The following SCARB1 variants were observed in gnomAD, a reference collection of about 807,000 sequenced individuals.
SCARB1 encodes CD36 and LIMPII analogous 1.
Under a neutral mutation model 57.2 loss-of-function variants are expected in SCARB1, and 30 were observed. That is an observed-to-expected ratio of 0.52 (90% CI 0.39 to 0.71). The LOEUF is 0.71. Among genes scored for constraint, SCARB1 ranks in the 30% least tolerant of loss-of-function variants. SCARB1 has a pLI of 0.00. For synonymous variants in SCARB1, 249 were observed against 268.3 expected (o/e 0.93, Z 0.70); for missense variants, 543 against 671.2 (o/e 0.81, Z 2.11).
rs1349943039 is a variant in SCARB1 at position 124,814,929 on chromosome 12, C to T, written c.426+44G>A. 11 of 1,612,440 alleles carry T rather than the reference C, an allele frequency of 6.8e-6. No individual in the cohort carries two copies. Among genetic ancestry groups the T allele is most frequent in the South Asian group, 5.5e-5 (5 of 90,988 alleles). On this transcript the variant is annotated intron_variant, in intron 3 of 12. Transcript: ENST00000261693. This position sits in a 1 kb window ranked among gnomAD's most constrained non-coding sequence, Gnocchi z 4.7. ...GGCAGGCGGGAGGAGAGACAGGGGA[C>T]GAGGTCAGGGTGCGAGGCGGCGTGG... is the stretch of plus-strand genomic sequence containing the variant.
intron 2 of SCARB1, among the ~76,000 whole-genome samples, chr12:124,815,854 A>C (rs1950693289): frequency 1.3e-5 from 2 of 151,588 alleles, no homozygotes; most frequent in South Asian, 4.2e-4. Flanking sequence ...TGAAAGAGAG[A>C]CTCCGTCTCA....
At chr12:124,828,509 G>T (rs1951256942) in intron 1 of SCARB1, among the ~76,000 whole-genome samples, 1 of 152,198 alleles carries the variant, frequency 6.6e-6, no homozygotes, top group South Asian at 2.1e-4. Context: ...GACACCAGGG[G>T]AGCAGAATCG....
intron 1 of SCARB1, among the ~76,000 whole-genome samples, chr12:124,837,472 A>AAGGAAGGAAGGAAGG (rs1566231087): frequency 5.2e-4 from 38 of 72,596 alleles, no homozygotes; most frequent in African/African-American, 1.0e-3. Flanking sequence ...AGAAAGAAAG[A>AAGGAAGGAAGGAAGG]AAGGAAGGAA....
chr12:124,826,980 G>C (rs960372744), intron 1 of SCARB1, among the ~76,000 whole-genome samples: 1 of 152,174 alleles, frequency 6.6e-6, no homozygotes, highest in Non-Finnish European at 1.5e-5. Context: ...TGTGGGGAAA[G>C]CTTTAACTGT....
In SCARB1 at chr12:124,817,792, G is replaced by T; in HGVS notation, c.127-85C>A. The T allele has an allele frequency of 1.4e-6, 2 of 1,466,924 alleles. No homozygotes were observed. Among genetic ancestry groups the T allele is most frequent in the Non-Finnish European group, 1.9e-6 (2 of 1,047,024 alleles). 90.9% of individuals were successfully genotyped at this position (1,466,924 alleles called of 1,614,324 possible). On this transcript the variant is annotated intron_variant, in intron 1 of 12. Coordinates refer to ENST00000261693, the MANE Select transcript of SCARB1 (RefSeq NM_005505.5). The surrounding 1 kb of genome is among the most constrained non-coding windows in gnomAD (Gnocchi z 4.8). ...ACAAGGCTCCGGAACAGCTGCCCGA[G>T]CCCGGCCAGGGAAGGGGCTCCTCGG...
intron 7 of SCARB1, among the ~76,000 whole-genome samples, chr12:124,802,537 G>A (rs1187898143): frequency 6.6e-6 from 1 of 152,064 alleles, no homozygotes; most frequent in Non-Finnish European, 1.5e-5. Flanking sequence ...AACAAGCCCT[G>A]GCCTGCCCAC....
At chr12:124,798,051 G>A (rs970818817) in intron 8 of SCARB1, among the ~76,000 whole-genome samples, 3 of 152,232 alleles carry the variant, frequency 2.0e-5, no homozygotes, top group Admixed American at 6.5e-5. Context: ...CGAAGTGTCC[G>A]TCAGTGAATG....
intron 6 of SCARB1, among the ~76,000 whole-genome samples, chr12:124,808,571 C>T (rs1950405947): frequency 6.6e-6 from 1 of 152,214 alleles, no homozygotes; most frequent in African/African-American, 2.4e-5. Flanking sequence ...CAGACTTCAG[C>T]CCTTCAGTCA....
chr12:124,786,760 C>A (rs1331701077), intron 10 of SCARB1, among the ~76,000 whole-genome samples: 1 of 152,210 alleles, frequency 6.6e-6, no homozygotes, highest in African/African-American at 2.4e-5. Context: ...CCTGGCCTCA[C>A]GTGACTCTCC....
At chr12:124,837,593 GAAAA>G (rs1951737047) in intron 1 of SCARB1, among the ~76,000 whole-genome samples, 1 of 37,462 alleles carries the variant, frequency 2.7e-5, no homozygotes, top group African/African-American at 1.5e-4. Context: ...GAAAAGAAAA[GAAAA>G]GTCAGCCAGC....
intron 11 of SCARB1, chr12:124,784,514 G>A (rs1182650084): frequency 6.6e-6 from 1 of 152,300 alleles, no homozygotes; most frequent in African/African-American, 2.4e-5. Flanking sequence ...GAAAGCCAAG[G>A]TGAAGAACCA....
At chr12:124,824,464 C>A (rs186094292) in intron 1 of SCARB1, among the ~76,000 whole-genome samples, 73 of 152,342 alleles carry the variant, frequency 4.8e-4, no homozygotes, top group Admixed American at 1.2e-3. Context: ...GATTGCGCAA[C>A]CTTGCGAACG....
chr12:124,790,653 C>A (rs992020225), intron 9 of SCARB1, among the ~76,000 whole-genome samples: 4 of 152,250 alleles, frequency 2.6e-5, no homozygotes, highest in Non-Finnish European at 5.9e-5. Flanking sequence ...CAGCAACTCA[C>A]ACTCAGTATG....
rs370515907 is a variant in SCARB1 at position 124,848,562 on chromosome 12, C to T, written c.126+15033G>A. On this transcript the variant is annotated intron_variant, in intron 1 of 12. Coordinates refer to ENST00000261693, the MANE Select transcript of SCARB1 (RefSeq NM_005505.5). ...AGGATGCACCCAAAAGGCTCAGCAA[C>T]GAGAGAGAGAGGATGCACATGCAGC... Among the ~76,000 whole-genome samples the T allele has an allele frequency of 1.8e-3, 274 of 152,276 alleles. 3 individuals carry two copies. Among genetic ancestry groups the T allele is most frequent in the South Asian group, 7.3e-3 (35 of 4,822 alleles).
chr12:124,837,510 A>AAG (rs1555264818), intron 1 of SCARB1, among the ~76,000 whole-genome samples: 1 of 119,800 alleles, frequency 8.3e-6, no homozygotes. Flanking sequence ...GAAGGGAGAA[A>AAG]AAAGAAAAGA....
intron 8 of SCARB1, among the ~76,000 whole-genome samples, chr12:124,797,898 G>A (rs1949999846): frequency 6.6e-6 from 1 of 152,234 alleles, no homozygotes; most frequent in Non-Finnish European, 1.5e-5. Flanking sequence ...GCAAACGTGT[G>A]GAGCTTCCTC....
chr12:124,852,335 C>CCTACAATCTGTGGATGCATCCCAGGGA (rs1952443853), intron 1 of SCARB1, among the ~76,000 whole-genome samples: 1 of 152,240 alleles, frequency 6.6e-6, no homozygotes, highest in Non-Finnish European at 1.5e-5. Flanking sequence ...AAGACTCAGG[C>CCTACAATCTGTGGATGCATCCCAGGGA]CTACAATCTG....
chr12:124,858,992 A>T (rs1005565572), intron 1 of SCARB1, among the ~76,000 whole-genome samples: 1 of 152,112 alleles, frequency 6.6e-6, no homozygotes, highest in African/African-American at 2.4e-5. Flanking sequence ...CTCCCACCTC[A>T]GCCTCTCAAG....
intron 1 of SCARB1, among the ~76,000 whole-genome samples, chr12:124,861,110 T>A (rs1042077729): frequency 2.0e-5 from 3 of 152,158 alleles, no homozygotes; most frequent in African/African-American, 7.2e-5. Flanking sequence ...CAAGTATTCA[T>A]ATATTTTATA....
Sources: allele counts gnomAD v4.1 joint callset (sites outside exome capture counted in the v4.1 genomes callset), GRCh38; gene constraint gnomAD v4.1.1; non-coding constraint Gnocchi (gnomAD v3.1); transcripts MANE v1.5; gene names NCBI Gene and HGNC (gene_info 2026-07-23, HGNC 2026-07-21).